CRAMP1: variants seen among roughly 807,000 people sequenced by gnomAD.
CRAMP1 encodes the protein cramped chromatin regulator 1, also known as protein cramped-like.
Under a neutral mutation model 115.4 loss-of-function variants are expected in CRAMP1, and 50 were observed. The ratio of observed to expected loss-of-function variants is 0.43; its 90% CI spans 0.35 to 0.55. The LOEUF is 0.55. CRAMP1 is among the 20% of genes least tolerant of loss of function. CRAMP1 has a pLI of 0.01. For missense variants in CRAMP1, 1,679 were observed against 1,721.7 expected (o/e 0.98, Z 0.44); for synonymous variants, 866 against 745.4 (o/e 1.16, Z -2.64).
intron 20 of CRAMP1, 102 bp downstream of exon 20, chr16:1,670,911 A>T: frequency 9.1e-7 from 1 of 1,102,824 alleles, no homozygotes. Flanking sequence ...GCTGTTTGCC[A>T]AGAGTAGAAG....
chr16:1,619,904 G>C (rs1315094763), intron 2 of CRAMP1, among the ~76,000 whole-genome samples: 1 of 152,190 alleles, frequency 6.6e-6, no homozygotes, highest in Non-Finnish European at 1.5e-5. Context: ...AGGCACGCCT[G>C]GAGTGTGGAC....
chr16:1,648,342 C>G (rs1348525821), intron 6 of CRAMP1, among the ~76,000 whole-genome samples: 1 of 152,214 alleles, frequency 6.6e-6, no homozygotes, highest in African/African-American at 2.4e-5. Flanking sequence ...GGTACAGTGG[C>G]TCACGCCTGT....
At chr16:1,620,482 C>A (rs1281097578) in intron 2 of CRAMP1, among the ~76,000 whole-genome samples, 2 of 152,176 alleles carry the variant, frequency 1.3e-5, no homozygotes, top group Non-Finnish European at 2.9e-5. Flanking sequence ...CGCTGACTCC[C>A]TCGCAGTTGG....
intron 13 of CRAMP1, among the ~76,000 whole-genome samples, chr16:1,663,978 T>G (rs955325273): frequency 1.3e-5 from 2 of 152,152 alleles, no homozygotes; most frequent in African/African-American, 4.8e-5. Context: ...AGAAAAAGTG[T>G]GTCAATCTCT....
Position 1,632,231 on chromosome 16 carries a change from C to T in CRAMP1, c.560C>T (p.Ala187Val), listed in dbSNP as rs778425846. 3 of 1,562,988 alleles carry T rather than the reference C, an allele frequency of 1.9e-6. No homozygotes were observed. The highest frequency in any genetic ancestry group is 1.4e-5 in the African/African-American group (1 of 73,418). ...GLYEHGKDFE[A>V]IQNNIALKYK... Reference sequence around the variant, plus strand: ...TTCCAGCATGGGAAAGACTTTGAAGCGATTCAGAACAACATTGCGCTGAAG... The same window carrying T: ...TTCCAGCATGGGAAAGACTTTGAAGTGATTCAGAACAACATTGCGCTGAAG... The change falls in exon 4 of 21, where the codon GCG (alanine) becomes GTG (valine). Residue 187 changes from alanine (A) to valine (V), a missense_variant. This residue lies in a region of CRAMP1 where 44 missense variants were observed against 92.4 expected (regional missense o/e 0.48). Coordinates refer to ENST00000397412, the MANE Select transcript of CRAMP1 (RefSeq NM_020825.4).
At chr16:1,643,727 G>A (rs1182457558) in intron 6 of CRAMP1, among the ~76,000 whole-genome samples, 4 of 152,228 alleles carry the variant, frequency 2.6e-5, no homozygotes, top group African/African-American at 7.2e-5. Flanking sequence ...CAGCACGCTT[G>A]GTGCCATTTA....
intron 5 of CRAMP1, among the ~76,000 whole-genome samples, chr16:1,640,803 G>C (rs2036625270): frequency 6.6e-6 from 1 of 152,224 alleles, no homozygotes; most frequent in African/African-American, 2.4e-5. Context: ...GAGCCAGGCA[G>C]ATAGGGATGA....
chr16:1,669,067 C>G lies in CRAMP1; in HGVS notation c.3401C>G (p.Pro1134Arg). ...GSDSSKSLPS[P>R]SSSPQPHWIA... The stretch of plus-strand genomic sequence containing the variant: ...GACAGTTCCAAGAGCCTTCCCTCCC[C>G]GTCCAGCAGCCCCCAGCCACACTGG... Residue 1134 changes from proline to arginine, a missense_variant, in exon 19 of 21, where the codon CCG (proline) becomes CGG (arginine). Pro to Arg is a moderately radical substitution (Grantham distance 103, BLOSUM62 -2). This residue lies in a region of CRAMP1 where 709 missense variants were observed against 741.9 expected (regional missense o/e 0.96). Coordinates refer to ENST00000397412, the MANE Select transcript of CRAMP1 (RefSeq NM_020825.4). The surrounding 1 kb of genome is among the most constrained non-coding windows in gnomAD (Gnocchi z 4.6). 1 of 1,612,370 alleles carries G rather than the reference C, an allele frequency of 6.2e-7. No individual in the cohort carries two copies. The highest frequency in any genetic ancestry group is 8.5e-7 in the Non-Finnish European group (1 of 1,179,250).
rs145751867 is a variant in CRAMP1, at chr16:1,641,699, C to T, written c.827+512C>T. On this transcript the variant is annotated intron_variant, in intron 6 of 20. Coordinates refer to ENST00000397412, the MANE Select transcript of CRAMP1 (RefSeq NM_020825.4). ...CTCCTGGCCACACAAACAACCGGGC[C>T]CCTGATGGTCCAGTTGACATCTGCC... Among the ~76,000 whole-genome samples the T allele has an allele frequency of 6.1e-3, 933 of 152,316 alleles. 4 individuals are homozygous for T. Among genetic ancestry groups the T allele is most frequent in the Non-Finnish European group, 0.011 (769 of 68,024 alleles).
Position 1,614,462 on chromosome 16 carries a change from G to A in CRAMP1, c.-1-177G>A, listed in dbSNP as rs1346392017. Among the ~76,000 whole-genome samples the A allele has an allele frequency of 1.4e-5, 2 of 145,832 alleles. No individual in the cohort carries two copies. The highest frequency in any genetic ancestry group is 3.0e-5 in the Non-Finnish European group (2 of 65,582). ...CGGGCTGGTGGGCAGGGCCGGGGGC[G>A]GCGGCGTGGGGGCGGCAGGGGCCGC... On this transcript the variant is annotated intron_variant, in intron 1 of 20. Transcript: ENST00000397412. This position sits in a 1 kb window ranked among gnomAD's most constrained non-coding sequence, Gnocchi z 4.4.
At position 1,655,243 on chromosome 16, in the gene CRAMP1, G is replaced by T. The variant is rs764199141; in HGVS notation, c.1062G>T (p.Lys354Asn). ...GGATGATCGTGGAGCTACATCGAAA[G>T]GTCTCCAGCCTCATCGAATTCTTGA... ...RLRMIVELHR[K>N]VSSLIEFLKQ... The change falls in exon 9 of 21, where the codon AAG becomes AAT. Residue 354 changes from lysine (K) to asparagine (N), a missense_variant. By Grantham distance (94) the Lys-to-Asn change is moderately conservative. Coordinates refer to ENST00000397412, the MANE Select transcript of CRAMP1 (RefSeq NM_020825.4). 6.2e-7 allele frequency: 1 copy of T among 1,613,966 alleles called. No individual in the cohort carries two copies. Among genetic ancestry groups the T allele is most frequent in the Non-Finnish European group, 8.5e-7 (1 of 1,179,830 alleles).
chr16:1,667,515 T>A, intron 17 of CRAMP1, 115 bp downstream of exon 17: 1 of 798,270 alleles, frequency 1.3e-6, no homozygotes, highest in Non-Finnish European at 2.1e-6. Context: ...GACTGTGCAG[T>A]GGCTTTGCTG....
At chr16:1,645,215 C>T (rs1436536102) in intron 6 of CRAMP1, among the ~76,000 whole-genome samples, 1 of 151,938 alleles carries the variant, frequency 6.6e-6, no homozygotes, top group African/African-American at 2.4e-5. Flanking sequence ...GAGATGGAGT[C>T]TTGCTCTGTT....
rs1350400126 is a variant in CRAMP1, at chr16:1,656,130, G to A, written c.1373G>A (p.Arg458Gln). 7 of 1,608,080 alleles carry A rather than the reference G, an allele frequency of 4.4e-6. No homozygotes were observed. Among genetic ancestry groups the A allele is most frequent in the Middle Eastern group, 1.7e-4 (1 of 6,018 alleles). The change falls in exon 10 of 21, where the codon CGG becomes CAG. Residue 458 changes from arginine (R) to glutamine (Q), a missense_variant. Coordinates refer to ENST00000397412, the MANE Select transcript of CRAMP1 (RefSeq NM_020825.4). The surrounding 1 kb of genome is among the most constrained non-coding windows in gnomAD (Gnocchi z 5.6). ...ATCCAGAGTGGGCAGGGCACGGCCC[G>A]GGGCCAGGTGAAATGCCCGCGGAGC... ...LGIQSGQGTA[R>Q]GQVKCPRSGA...
At chr16:1,645,191 C>A (rs2036663796) in intron 6 of CRAMP1, among the ~76,000 whole-genome samples, 1 of 151,944 alleles carries the variant, frequency 6.6e-6, no homozygotes, top group Admixed American at 6.6e-5. Context: ...GGTTTATTTT[C>A]TTTTGTTTTG....
intron 14 of CRAMP1, 102 bp downstream of exon 14, chr16:1,665,240 G>A: frequency 5.2e-6 from 4 of 770,888 alleles, no homozygotes; most frequent in Non-Finnish European, 9.3e-6. Flanking sequence ...CTATCTTCAG[G>A]CATTCCTTTG....
intron 2 of CRAMP1, among the ~76,000 whole-genome samples, chr16:1,619,243 C>T (rs1596481095): frequency 6.6e-6 from 1 of 152,212 alleles, no homozygotes; most frequent in African/African-American, 2.4e-5. Flanking sequence ...TGCAGTGCTG[C>T]GATCTCAACT....
chr16:1,653,673 C>CA (rs899689932), intron 8 of CRAMP1, among the ~76,000 whole-genome samples: 176 of 143,340 alleles, frequency 1.2e-3, no homozygotes, highest in African/African-American at 3.7e-3. Context: ...ACTAAAAATA[C>CA]AAAAAAAAAA....
chr16:1,650,179 G>A (rs535435552), intron 6 of CRAMP1, among the ~76,000 whole-genome samples: 2 of 152,292 alleles, frequency 1.3e-5, no homozygotes, highest in South Asian at 4.1e-4. Flanking sequence ...GCATAATGCT[G>A]AAATTAGAGC....
Sources: gnomAD v4.1 joint callset for allele counts (sites outside exome capture counted in the v4.1 genomes callset) on GRCh38, gnomAD v4.1.1 for gene constraint, gnomAD v4.1.1 regional missense constraint, Gnocchi (gnomAD v3.1) non-coding constraint, MANE v1.5 for transcripts, NCBI Gene and HGNC (gene_info 2026-07-23, HGNC 2026-07-21) for gene names.